Variants in CORO7 observed in about 807,000 individuals in gnomAD.
CORO7 encodes coronin 7.
A neutral mutation model predicts 126.6 loss-of-function variants in CORO7; 107 were observed. The ratio of observed to expected loss-of-function variants is 0.85; its 90% CI spans 0.72 to 0.99. The LOEUF is 0.99. Ranked by LOEUF, CORO7 falls within the 50% of genes least tolerant of loss-of-function variation. CORO7 has a pLI of 0.00. For missense variants in CORO7, 1,314 were observed against 1,255.8 expected, an observed-to-expected ratio of 1.05 and a Z score of -0.70; for synonymous variants, 603 against 536.8, an observed-to-expected ratio of 1.12 and a Z score of -1.70.
In CORO7 at chr16:4,364,892, C is replaced by T. The variant is rs763599060; in HGVS notation, c.927G>A (p.Leu309=). 10 of 1,611,460 alleles carry T rather than the reference C, an allele frequency of 6.2e-6. No homozygotes were observed. Among genetic ancestry groups the T allele is most frequent in the Non-Finnish European group, 7.6e-6 (9 of 1,179,434 alleles). Residue 309 remains leucine (L), a synonymous_variant, in exon 12 of 28, where the codon CTG becomes CTA. Coordinates refer to ENST00000251166, the MANE Select transcript of CORO7 (RefSeq NM_024535.5). ...PVTQCVLESV[L]RGAALVPRQA... ...GCCGGGGCACAAGGGCAGCCCCACG[C>T]AGCACGCTCTCCAGGACACACTGGG...
At chr16:4,404,024 T>C (rs1254285703) in intron 6 of CORO7, among the ~76,000 whole-genome samples, 2 of 152,010 alleles carry the variant, frequency 1.3e-5, no homozygotes, top group Non-Finnish European at 2.9e-5. Context: ...CCCCAGAGCT[T>C]AGGCCAGTCT....
At chr16:4,401,981 C>T (rs2055827008) in intron 6 of CORO7, among the ~76,000 whole-genome samples, 1 of 151,856 alleles carries the variant, frequency 6.6e-6, no homozygotes, top group Non-Finnish European at 1.5e-5. Flanking sequence ...CTCTGTCGCC[C>T]AGGCTGGAGT....
chr16:4,385,923 A>G (rs1171499583), intron 9 of CORO7, among the ~76,000 whole-genome samples: 1 of 152,250 alleles, frequency 6.6e-6, no homozygotes, highest in African/African-American at 2.4e-5. Context: ...GAGTGGATGC[A>G]GTTGCCAACC....
intron 9 of CORO7, 97 bp downstream of exon 9, chr16:4,387,889 G>T (rs2055248012): frequency 6.1e-6 from 9 of 1,487,510 alleles, no homozygotes; most frequent in South Asian, 1.2e-5. Flanking sequence ...ACACCCCGGA[G>T]ATCAGCCCGC....
At chr16:4,406,807 G>A (rs1283786010) in intron 5 of CORO7, among the ~76,000 whole-genome samples, 2 of 151,036 alleles carry the variant, frequency 1.3e-5, no homozygotes, top group East Asian at 3.9e-4. Context: ...ACCCAGCTAA[G>A]TTTTTGTATT....
chr16:4,371,330 C>T (rs1052074835), intron 9 of CORO7, among the ~76,000 whole-genome samples: 4 of 152,230 alleles, frequency 2.6e-5, no homozygotes, highest in African/African-American at 9.6e-5. Flanking sequence ...TTTGTGTGGG[C>T]TGCCAGGAGT....
chr16:4,416,325 A>AG (rs59756887), intron 1 of CORO7, 134 bp downstream of exon 1: 14 of 1,272,512 alleles, frequency 1.1e-5, no homozygotes, highest in East Asian at 9.4e-5. Context: ...CCTGGCCTGA[A>AG]GGGGGGTTCC....
intron 24 of CORO7, 40 bp from the exon 25 acceptor site, chr16:4,358,143 G>A (rs1375673558): frequency 3.8e-6 from 6 of 1,592,240 alleles, no homozygotes; most frequent in African/African-American, 2.7e-5. Flanking sequence ...ACATTGACCA[G>A]GTGCCCAGGG....
intron 2 of CORO7, 144 bp from the exon 3 acceptor site, chr16:4,412,574 C>G (rs948188816): frequency 5.1e-6 from 4 of 781,078 alleles, no homozygotes; most frequent in East Asian, 2.7e-5. Flanking sequence ...ATCCTCTGCA[C>G]GTAGCAATGG....
Position 4,361,028 on chromosome 16 carries a change from G to T in CORO7, c.1832C>A (p.Ala611Asp), listed in dbSNP as rs775883933. The change falls in exon 19 of 28, where the codon GCC (alanine) becomes GAC (aspartate). Residue 611 changes from alanine to aspartate, a missense_variant. Transcript: ENST00000251166. ...RFHPLAANVL[A>D]SSSYDLTVRI... ...AACAGTGAGGTCATAGGAGGACGAG[G>T]CCAGCACATTGGCTGCCAGTGGGTG... is the stretch of plus-strand genomic sequence containing the variant. 1.8e-5 allele frequency: 29 copies of T among 1,613,260 alleles called. No homozygotes were observed. The highest frequency in any genetic ancestry group is 2.7e-5 in the African/African-American group (2 of 74,930).
chr16:4,357,728 C>T (rs1487883629), intron 25 of CORO7: 1 of 629,128 alleles, frequency 1.6e-6, no homozygotes, highest in African/African-American at 1.8e-5. Context: ...TGTATAAGCC[C>T]TGCCCTAGAC....
chr16:4,381,616 G>A, intron 9 of CORO7: 1 of 1,598,180 alleles, frequency 6.3e-7, no homozygotes, highest in Non-Finnish European at 8.5e-7. Context: ...CCTGCGGCTG[G>A]CCGGCAACAC....
chr16:4,360,633 TGGCG>T, intron 19 of CORO7, 85 bp from the exon 20 acceptor site: 1 of 1,486,542 alleles, frequency 6.7e-7, no homozygotes, highest in Non-Finnish European at 9.0e-7. Context: ...TCCTCACTGC[TGGCG>T]CCGCCCCTCC....
intron 4 of CORO7, 52 bp downstream of exon 4, chr16:4,408,129 C>A: frequency 3.7e-6 from 6 of 1,613,306 alleles, no homozygotes; most frequent in Non-Finnish European, 5.1e-6. Flanking sequence ...CTCAGAAGGC[C>A]CTGGACTACG....
In CORO7 at chr16:4,360,951, G is replaced by A. The variant is rs1232860203; in HGVS notation, c.1909C>T (p.Gln637Ter). 1.2e-6 allele frequency: 2 copies of A among 1,610,902 alleles called. No individual in the cohort carries two copies. The highest frequency in any genetic ancestry group is 1.7e-6 in the Non-Finnish European group (2 of 1,179,954). The change falls in exon 19 of 28, where the codon CAA becomes TAA. Residue 637 changes from glutamine to a stop codon, truncating the protein, a stop_gained. Coordinates refer to ENST00000251166, the MANE Select transcript of CORO7 (RefSeq NM_024535.5). LOFTEE classifies it high-confidence loss of function. ...CTCTGCAGCCGTCCTACCTGGTCTT[G>A]GTGGCCCTGCAGCTTCAGCCGATCA... ...GADRLKLQGH[Q>*]DQIFSLAWSP...
At chr16:4,416,012 A>G (rs570471886) in intron 1 of CORO7, 240 of 432,062 alleles carry the variant, frequency 5.6e-4, no homozygotes, top group Non-Finnish European at 7.1e-4. Context: ...CGCCGGGGCC[A>G]GAGGAGAGAG....
chr16:4,360,886 C>T, intron 19 of CORO7, 57 bp downstream of exon 19: 1 of 344,992 alleles, frequency 2.9e-6, no homozygotes, highest in East Asian at 7.8e-5. Context: ...CCCCACCTCT[C>T]CACACTGCTG....
intron 9 of CORO7, among the ~76,000 whole-genome samples, chr16:4,373,744 A>T (rs2054616239): frequency 6.6e-6 from 1 of 152,132 alleles, no homozygotes. Flanking sequence ...GTCCCAACAC[A>T]ACACTGGGCA....
intron 3 of CORO7, 88 bp from the exon 4 acceptor site, chr16:4,408,339 T>G (rs1007765678): frequency 6.4e-7 from 1 of 1,572,760 alleles, no homozygotes; most frequent in African/African-American, 1.4e-5. Context: ...GGTGACACTT[T>G]TGTGTGCACA....
Sources: gnomAD v4.1 joint callset for allele counts (sites outside exome capture counted in the v4.1 genomes callset) on GRCh38, gnomAD v4.1.1 for gene constraint, MANE v1.5 for transcripts, NCBI Gene and HGNC (gene_info 2026-07-23, HGNC 2026-07-21) for gene names.